VPS50: variants seen among roughly 807,000 people sequenced by gnomAD.
VPS50 encodes the protein syndetin.
A neutral mutation model predicts 139.7 loss-of-function variants in VPS50; 70 were observed. The ratio of observed to expected loss-of-function variants is 0.50; its 90% CI spans 0.41 to 0.61. The LOEUF is 0.61. VPS50 is among the 20% of genes least tolerant of loss of function. The pLI, the probability that VPS50 is intolerant of heterozygous loss-of-function variation, is 0.00. For synonymous variants in VPS50, 365 were observed against 376.7 expected (o/e 0.97, Z 0.36); for missense variants, 921 against 1,133.7 (o/e 0.81, Z 2.69).
At chr7:93,329,509 A>G (rs906505075) in intron 21 of VPS50, among the ~76,000 whole-genome samples, 1 of 151,914 alleles carries the variant, frequency 6.6e-6, no homozygotes. Context: ...GGAGAAGAAG[A>G]GAGAGAGAAT....
intron 18 of VPS50, among the ~76,000 whole-genome samples, chr7:93,307,786 G>C (rs193036605): frequency 2.0e-5 from 3 of 152,008 alleles, no homozygotes; most frequent in African/African-American, 7.2e-5. Flanking sequence ...CTTGTTTGCA[G>C]TTATTAATGT....
chr7:93,306,900 T>G (rs933870597), intron 18 of VPS50, among the ~76,000 whole-genome samples: 7 of 152,078 alleles, frequency 4.6e-5, no homozygotes, highest in Admixed American at 4.6e-4. Flanking sequence ...CAAAATTCAT[T>G]AAGTTTAAAT....
intron 4 of VPS50, among the ~76,000 whole-genome samples, chr7:93,254,354 C>T (rs1795425163): frequency 6.6e-6 from 1 of 152,242 alleles, no homozygotes; most frequent in Admixed American, 6.5e-5. Context: ...ACTGCAGCCT[C>T]TCCCTCCTGG....
chr7:93,303,201 C>A (rs563610900), intron 16 of VPS50, among the ~76,000 whole-genome samples: 8 of 151,772 alleles, frequency 5.3e-5, no homozygotes, highest in Non-Finnish European at 8.9e-5. Context: ...CTGTCATTTC[C>A]TATGCATTAC....
intron 17 of VPS50, among the ~76,000 whole-genome samples, chr7:93,305,382 T>C (rs1797085833): frequency 2.6e-5 from 4 of 151,970 alleles, no homozygotes; most frequent in African/African-American, 9.7e-5. Flanking sequence ...GATATGTACT[T>C]CATACTTTAT....
intron 23 of VPS50, among the ~76,000 whole-genome samples, chr7:93,345,445 T>C (rs1294349910): frequency 1.3e-5 from 2 of 151,974 alleles, no homozygotes; most frequent in African/African-American, 4.8e-5. Context: ...TTCCAATCAA[T>C]AGAAAAAGAG....
At chr7:93,283,464 G>A (rs1481602182) in intron 12 of VPS50, among the ~76,000 whole-genome samples, 1 of 152,074 alleles carries the variant, frequency 6.6e-6, no homozygotes, top group Non-Finnish European at 1.5e-5. Context: ...TCGAAATCCT[G>A]ACTTCAGGTG....
At chr7:93,343,699 C>T (rs973067869) in intron 23 of VPS50, among the ~76,000 whole-genome samples, 5 of 151,958 alleles carry the variant, frequency 3.3e-5, no homozygotes, top group Admixed American at 6.6e-5. Flanking sequence ...AAAAGAATTT[C>T]CAACCCAGAA....
chr7:93,334,586 G>A (rs1457957358), intron 22 of VPS50, among the ~76,000 whole-genome samples: 1 of 152,174 alleles, frequency 6.6e-6, no homozygotes, highest in Non-Finnish European at 1.5e-5. Flanking sequence ...GGTGCAGCCC[G>A]AAGTTTGACA....
chr7:93,296,645 C>G lies in VPS50; in HGVS notation c.1168-97C>G, dbSNP rs1408413226. The G allele has an allele frequency of 2.7e-6, 4 of 1,503,380 alleles. No homozygotes were observed. In the East Asian group the frequency reaches 9.6e-5, roughly 36 times the overall value. The allele number at this position is 1,503,380 out of a possible 1,614,324, so 93.1% of individuals were successfully genotyped here. A position where few individuals can be genotyped will look rare whatever the true frequency, so the allele number is the denominator to read the frequency against. ...TCGTTAACAAATTAGGAATATATTC[C>G]TGTCTCATTTTAATCTGGAACTATA... On this transcript the variant is annotated intron_variant, in intron 14 of 27. Coordinates refer to ENST00000305866, the MANE Select transcript of VPS50 (RefSeq NM_017667.4).
At chr7:93,329,128 T>C (rs551542176) in intron 21 of VPS50, among the ~76,000 whole-genome samples, 1 of 151,620 alleles carries the variant, frequency 6.6e-6, no homozygotes, top group East Asian at 1.9e-4. Context: ...CTAGTTTAAC[T>C]CTAAGATATT....
At chr7:93,315,220 AC>A (rs1055626959) in intron 20 of VPS50, among the ~76,000 whole-genome samples, 2 of 152,144 alleles carry the variant, frequency 1.3e-5, no homozygotes, top group Non-Finnish European at 2.9e-5. Flanking sequence ...TTAATGTATT[AC>A]CTATCTTAGT....
rs373130520 is a variant in VPS50 at position 93,283,226 on chromosome 7, C to CT, written c.942+6925dup. ...GTCATTACTGAGCTTTTTTCTTTTT[C>CT]TTTTCTTTTTTTTTTTTTTGAGGCG... On this transcript the variant is annotated intron_variant, in intron 12 of 27. Coordinates refer to ENST00000305866, the MANE Select transcript of VPS50 (RefSeq NM_017667.4). Among the ~76,000 whole-genome samples, 913 of 149,196 alleles carry CT rather than the reference C, an allele frequency of 6.1e-3. 11 individuals carry two copies. Among genetic ancestry groups the CT allele is most frequent in the African/African-American group, 0.022 (886 of 40,466 alleles).
chr7:93,306,136 T>C (rs917088811), intron 18 of VPS50, 132 bp downstream of exon 18: 1 of 636,416 alleles, frequency 1.6e-6, no homozygotes, highest in Non-Finnish European at 2.8e-6. Context: ...AATGTACCTA[T>C]GCTATTACAT....
intron 16 of VPS50, among the ~76,000 whole-genome samples, chr7:93,299,553 TCTGA>T (rs1458071694): frequency 6.6e-6 from 1 of 152,186 alleles, no homozygotes; most frequent in Non-Finnish European, 1.5e-5. Context: ...ACCAAATTAT[TCTGA>T]CTTTCAATCT....
At chr7:93,252,555 A>G (rs1189664933) in intron 2 of VPS50, 98 bp from the exon 3 acceptor site, 5 of 816,378 alleles carry the variant, frequency 6.1e-6, no homozygotes, top group Middle Eastern at 2.8e-4. Context: ...GAATCGTTCC[A>G]GGTAGATGTG....
chr7:93,354,296 TTTC>T (rs1468826333), intron 26 of VPS50, among the ~76,000 whole-genome samples: 2 of 101,572 alleles, frequency 2.0e-5, no homozygotes, highest in Non-Finnish European at 3.4e-5. Context: ...TTTTCTTTTC[TTTC>T]TTTTTTTTTT....
At position 93,251,749 on chromosome 7, in the gene VPS50, T is replaced by C. The variant is rs967636649; in HGVS notation, c.103-904T>C. Among the ~76,000 whole-genome samples the C allele has an allele frequency of 5.3e-5, 8 of 152,230 alleles. No homozygotes were observed. The South Asian group carries it at 6.2e-4, about 12-fold the overall frequency. On this transcript the variant is annotated intron_variant, in intron 2 of 27. Transcript: ENST00000305866. Reference sequence around the variant, plus strand: ...TTTCCTTAGTATTTTTATTGTGTTATTTTAATTACTGAAAATGATTTAAAA... The same window carrying C: ...TTTCCTTAGTATTTTTATTGTGTTACTTTAATTACTGAAAATGATTTAAAA...
At chr7:93,274,271 G>T (rs755233248) in intron 11 of VPS50, among the ~76,000 whole-genome samples, 1 of 152,068 alleles carries the variant, frequency 6.6e-6, no homozygotes, top group Non-Finnish European at 1.5e-5. Flanking sequence ...TGCCACCTAG[G>T]ATTTTCAGAG....
Sources: gnomAD v4.1 joint callset for allele counts (sites outside exome capture counted in the v4.1 genomes callset) on GRCh38, gnomAD v4.1.1 for gene constraint, MANE v1.5 for transcripts, NCBI Gene and HGNC (gene_info 2026-07-23, HGNC 2026-07-21) for gene names.